The following CAST variants were observed in gnomAD, a reference collection of about 807,000 sequenced individuals.
CAST encodes the protein MIR583 host.
A neutral mutation model predicts 119.6 loss-of-function variants in CAST; 76 were observed. That is an observed-to-expected ratio of 0.64 (90% CI 0.53 to 0.77). The LOEUF is 0.77. Ranked by LOEUF, CAST falls within the 30% of genes least tolerant of loss-of-function variation. The probability of loss-of-function intolerance (pLI) is 0.00; values close to 1 mark genes in which losing one functional copy is unlikely to be tolerated. For synonymous variants in CAST, 319 were observed against 331.6 expected (o/e 0.96, Z 0.41); for missense variants, 953 against 946.5 (o/e 1.01, Z -0.09).
chr5:96,055,865 G>T, the CAST span, among the ~76,000 whole-genome samples: 1 of 152,006 alleles, frequency 6.6e-6, no homozygotes, highest in Non-Finnish European at 1.5e-5. Context: ...GAGATAATAG[G>T]TGAAGCTTTG....
At chr5:96,429,711 G>C in the CAST span, among the ~76,000 whole-genome samples, 1 of 152,070 alleles carries the variant, frequency 6.6e-6, no homozygotes, top group Non-Finnish European at 1.5e-5. Context: ...GCGGTATTCG[G>C]TTTTCTGTTC....
rs768885040 is a variant in CAST, at chr5:96,754,113, A to G, written c.1578A>G (p.Lys526=). 6.8e-6 allele frequency: 11 copies of G among 1,613,892 alleles called. No individual in the cohort carries two copies. In the Admixed American group the frequency reaches 8.3e-5, roughly 12 times the overall value. Residue 526 remains lysine (K), a synonymous_variant, in exon 21 of 32, where the codon AAA becomes AAG. Transcript: ENST00000675179. ...AAGCCTTGGCTGATAGCCTGGGGAA[A>G]AAGGAAGCAGATCCAGAAGATGGAA... is the stretch of plus-strand genomic sequence containing the variant. ...AVEALADSLG[K]KEADPEDGKP... is the part of the protein sequence containing the mutation.
At chr5:96,104,375 G>A in the CAST span, among the ~76,000 whole-genome samples, 4 of 152,150 alleles carry the variant, frequency 2.6e-5, no homozygotes, top group African/African-American at 7.2e-5. Context: ...TAGGTCTAAC[G>A]TTTAAGTATT....
chr5:96,259,120 CTT>C, the CAST span, among the ~76,000 whole-genome samples: 1 of 152,140 alleles, frequency 6.6e-6, no homozygotes, highest in Non-Finnish European at 1.5e-5. Context: ...TAGCATCTAT[CTT>C]TGGTCGACAC....
intron 1 of CAST, among the ~76,000 whole-genome samples, chr5:96,602,157 A>G (rs1020711915): frequency 6.6e-6 from 1 of 152,224 alleles, no homozygotes; most frequent in African/African-American, 2.4e-5. Flanking sequence ...CTGACTCAAG[A>G]CACCATGGAA....
Position 96,773,846 on chromosome 5 carries a change from T to C in CAST, c.*1230T>C, listed in dbSNP as rs1773312561. On this transcript the variant is annotated 3_prime_UTR_variant, in exon 32 of 32. Transcript: ENST00000675179. ...GGGAATTTATTGTTTCCAAAGGGCA[T>C]GGCCTTCCTTAGCATCAGTTTGAAG... is the stretch of plus-strand genomic sequence containing the variant. 1 of 152,342 alleles carries C rather than the reference T, an allele frequency of 6.6e-6. No individual in the cohort carries two copies. Among genetic ancestry groups the C allele is most frequent in the South Asian group, 2.1e-4 (1 of 4,832 alleles). The allele number at this position is 152,342 out of a possible 1,614,324, so 9.4% of individuals were successfully genotyped here.
chr5:96,736,614 A>G (rs112916160), intron 10 of CAST, among the ~76,000 whole-genome samples: 21 of 152,174 alleles, frequency 1.4e-4, no homozygotes, highest in East Asian at 7.7e-4. Context: ...CAGCCTTCAG[A>G]TTGTATTTCA....
the CAST span, among the ~76,000 whole-genome samples, chr5:96,208,910 T>G: frequency 1.3e-5 from 2 of 151,990 alleles, no homozygotes; most frequent in Non-Finnish European, 2.9e-5. Context: ...TGTTTATTAC[T>G]GTTGGTGGGA....
the CAST span, among the ~76,000 whole-genome samples, chr5:96,237,024 A>T: frequency 1.3e-5 from 2 of 152,316 alleles, no homozygotes; most frequent in East Asian, 1.9e-4. Flanking sequence ...GTATATTACA[A>T]CTAAAGTTGT....
chr5:96,356,832 T>C, the CAST span, among the ~76,000 whole-genome samples: 1 of 152,216 alleles, frequency 6.6e-6, no homozygotes, highest in Non-Finnish European at 1.5e-5. Context: ...TTTGCTTCTA[T>C]ATGAAATTTA....
the CAST span, among the ~76,000 whole-genome samples, chr5:96,479,352 G>C: frequency 6.6e-6 from 1 of 152,084 alleles, no homozygotes; most frequent in Non-Finnish European, 1.5e-5. Flanking sequence ...CATGCATAGT[G>C]AGGATGTTTG....
chr5:96,281,629 A>G, the CAST span, among the ~76,000 whole-genome samples: 5 of 152,188 alleles, frequency 3.3e-5, no homozygotes, highest in African/African-American at 1.2e-4. Context: ...CTGGTTCACA[A>G]TGGAGCTCCG....
the CAST span, among the ~76,000 whole-genome samples, chr5:96,195,330 A>G: frequency 6.6e-6 from 1 of 152,186 alleles, no homozygotes; most frequent in African/African-American, 2.4e-5. Flanking sequence ...AGACTTTGGA[A>G]GCCTTTTAAA....
At chr5:96,706,625 CAGTT>C (rs1284117916) in intron 3 of CAST, among the ~76,000 whole-genome samples, 4 of 152,206 alleles carry the variant, frequency 2.6e-5, no homozygotes, top group African/African-American at 4.8e-5. Flanking sequence ...GGAGCACAGT[CAGTT>C]AAAGGCAGGA....
chr5:96,367,009 A>G, the CAST span, among the ~76,000 whole-genome samples: 1 of 152,020 alleles, frequency 6.6e-6, no homozygotes, highest in Non-Finnish European at 1.5e-5. Flanking sequence ...GGGTTTTGGT[A>G]TGGATGTCCT....
At chr5:96,558,447 T>C (rs1252639750) in intron 1 of CAST, among the ~76,000 whole-genome samples, 2 of 151,534 alleles carry the variant, frequency 1.3e-5, no homozygotes, top group African/African-American at 4.8e-5. Flanking sequence ...TCAACAAAAT[T>C]GAGAGACCAC....
Position 96,765,363 on chromosome 5 carries a change from A to AG in CAST, c.2037+39dup. ...AAAAAAAAAAAAAAAATTCACTAAT[A>AG]GTGAAATTTTAATCCTTGGGTCTTG... On this transcript the variant is annotated intron_variant, in intron 26 of 31. Transcript: ENST00000675179. The AG allele has an allele frequency of 3.4e-6, 3 of 881,742 alleles. 1 individual carries two copies. Among genetic ancestry groups the AG allele is most frequent in the Non-Finnish European group, 4.9e-6 (3 of 614,314 alleles). 54.6% of individuals were successfully genotyped at this position (881,742 alleles called of 1,614,324 possible).
chr5:96,766,547 T>C (rs1770045298), intron 27 of CAST, among the ~76,000 whole-genome samples: 2 of 152,162 alleles, frequency 1.3e-5, no homozygotes, highest in African/African-American at 2.4e-5. Flanking sequence ...ATAAGGCAGC[T>C]CCAAGACCTG....
chr5:96,280,255 T>G, the CAST span, among the ~76,000 whole-genome samples: 1 of 152,136 alleles, frequency 6.6e-6, no homozygotes, highest in Non-Finnish European at 1.5e-5. Flanking sequence ...TTTGTTGCTG[T>G]TTGGTAGTTC....
Sources: gnomAD v4.1 joint callset for allele counts (sites outside exome capture counted in the v4.1 genomes callset) on GRCh38, gnomAD v4.1.1 for gene constraint, MANE v1.5 for transcripts, NCBI Gene and HGNC (gene_info 2026-07-23, HGNC 2026-07-21) for gene names.